The following CDH9 variants were observed in gnomAD, a reference collection of about 807,000 sequenced individuals.
CDH9 encodes the protein cadherin 9, also known as cadherin-9.
A neutral mutation model predicts 70.9 loss-of-function variants in CDH9; 28 were observed. The ratio of observed to expected loss-of-function variants is 0.40; its 90% CI spans 0.29 to 0.54. The LOEUF (loss-of-function observed/expected upper bound fraction) is 0.54. CDH9 is among the 20% of genes least tolerant of loss of function. The pLI is 0.59. For synonymous variants in CDH9, 409 were observed against 343.1 expected, an observed-to-expected ratio of 1.19 and a Z score of -2.12; for missense variants, 874 against 984.4, an observed-to-expected ratio of 0.89 and a Z score of 1.50.
chr5:27,016,336 T>C (rs1002380615), intron 1 of CDH9, among the ~76,000 whole-genome samples: 4 of 151,812 alleles, frequency 2.6e-5, no homozygotes, highest in African/African-American at 9.7e-5. Flanking sequence ...CATTGTTTGA[T>C]GAAAAAGTAC....
intron 4 of CDH9, 97 bp from the exon 5 acceptor site, chr5:26,906,223 C>T: frequency 2.2e-6 from 2 of 929,990 alleles, no homozygotes; most frequent in South Asian, 3.2e-5. Flanking sequence ...TTATAACAAA[C>T]ATAAAATGTC....
At chr5:26,893,623 G>A (rs1404801179) in intron 7 of CDH9, among the ~76,000 whole-genome samples, 1 of 151,918 alleles carries the variant, frequency 6.6e-6, no homozygotes, top group Admixed American at 6.6e-5. Context: ...AGGCTATAAA[G>A]GAGAAATAGA....
chr5:27,026,079 G>A (rs1743215474), intron 1 of CDH9, among the ~76,000 whole-genome samples: 1 of 151,704 alleles, frequency 6.6e-6, no homozygotes, highest in Non-Finnish European at 1.5e-5. Flanking sequence ...TTTATTAATA[G>A]CAATATTTAA....
At chr5:26,953,609 C>T (rs1741890657) in intron 2 of CDH9, among the ~76,000 whole-genome samples, 2 of 152,132 alleles carry the variant, frequency 1.3e-5, no homozygotes, top group Non-Finnish European at 2.9e-5. Context: ...TCAAATGAGC[C>T]ATTTAAAATT....
intron 2 of CDH9, among the ~76,000 whole-genome samples, chr5:26,970,599 T>C (rs891935506): frequency 3.3e-5 from 5 of 152,064 alleles, no homozygotes; most frequent in Non-Finnish European, 5.9e-5. Context: ...AAAATAAGCA[T>C]AGAAAATAAC....
Position 27,017,440 on chromosome 5 carries a change from T to G in CDH9, c.-50+21023A>C, listed in dbSNP as rs532657620. Among the ~76,000 whole-genome samples, 8 of 151,382 alleles carry G rather than the reference T, an allele frequency of 5.3e-5. No individual in the cohort carries two copies. In the South Asian group the frequency reaches 6.2e-4, roughly 12 times the overall value. ...TGCTTGAGTCCACTGAAATTTTTTT[T>G]GGGGGGGCAAGCTAAACGCTCTGCA... is the stretch of plus-strand genomic sequence containing the variant. On this transcript the variant is annotated intron_variant, in intron 1 of 11. Transcript: ENST00000231021.
In CDH9 at chr5:26,915,852, A is replaced by T; in HGVS notation, c.301T>A (p.Phe101Ile). ...ILTGDGAGSL[F>I]VIDENTGDIH... ...TCTCCTGTATTTTCATCTATAACAA[A>T]TAGACTGCCAGCCCCATCTCCTGTT... Residue 101 changes from phenylalanine to isoleucine, a missense_variant, in exon 3 of 12, where the codon TTT (phenylalanine) becomes ATT (isoleucine). Coordinates refer to ENST00000231021, the MANE Select transcript of CDH9 (RefSeq NM_016279.4). The T allele has an allele frequency of 1.9e-6, 3 of 1,612,526 alleles. No homozygotes were observed. Among genetic ancestry groups the T allele is most frequent in the East Asian group, 2.2e-5 (1 of 44,858 alleles).
chr5:26,934,144 C>T (rs574553229), intron 2 of CDH9, among the ~76,000 whole-genome samples: 1 of 152,164 alleles, frequency 6.6e-6, no homozygotes, highest in Admixed American at 6.5e-5. Flanking sequence ...AGGTTCTTTT[C>T]AACAACCAGT....
At chr5:26,901,047 T>G (rs1342307097) in intron 7 of CDH9, among the ~76,000 whole-genome samples, 1 of 151,986 alleles carries the variant, frequency 6.6e-6, no homozygotes, top group Non-Finnish European at 1.5e-5. Context: ...ATGAACACGC[T>G]AGTGCATATA....
chr5:26,890,244 T>C (rs1740633607), intron 8 of CDH9, among the ~76,000 whole-genome samples, 184 bp downstream of exon 8: 1 of 152,206 alleles, frequency 6.6e-6, no homozygotes, highest in Non-Finnish European at 1.5e-5. Flanking sequence ...GAAAATCAAA[T>C]TTGAAATGAA....
chr5:26,883,041 T>TTAGATATATATATATATATA (rs1221330777), intron 11 of CDH9, among the ~76,000 whole-genome samples: 1 of 58,040 alleles, frequency 1.7e-5, no homozygotes. Context: ...CAGGATCATC[T>TTAGATATATATATATATATA]TATATATATA....
chr5:27,032,409 T>G (rs1321482376), intron 1 of CDH9, among the ~76,000 whole-genome samples: 1 of 151,656 alleles, frequency 6.6e-6, no homozygotes, highest in Non-Finnish European at 1.5e-5. Flanking sequence ...ATTTAATTTT[T>G]GGAAAATTAT....
chr5:26,978,094 T>C (rs1388400592), intron 2 of CDH9, among the ~76,000 whole-genome samples: 2 of 152,000 alleles, frequency 1.3e-5, no homozygotes, highest in African/African-American at 4.8e-5. Flanking sequence ...GATAATAGAA[T>C]TTCTGTAATG....
chr5:26,882,374 T>A (rs1364999710), intron 11 of CDH9, among the ~76,000 whole-genome samples: 1 of 152,118 alleles, frequency 6.6e-6, no homozygotes, highest in Non-Finnish European at 1.5e-5. Context: ...GTTAATTGTA[T>A]TCCCTCTATT....
chr5:26,910,247 CTATCTATCT>C (rs1741027470), intron 3 of CDH9, among the ~76,000 whole-genome samples: 1 of 150,854 alleles, frequency 6.6e-6, no homozygotes, highest in Non-Finnish European at 1.5e-5. Context: ...ATCTATCTAT[CTATCTATCT>C]ATCTATCTGG....
intron 2 of CDH9, among the ~76,000 whole-genome samples, chr5:26,962,015 C>A (rs148807634): frequency 1.1e-4 from 16 of 152,200 alleles, no homozygotes; most frequent in Middle Eastern, 6.8e-3. Flanking sequence ...TGTGATGTCG[C>A]CCTCCCTGTG....
chr5:27,001,844 ACTCTCTCTCTCT>A (rs141271541), intron 1 of CDH9, among the ~76,000 whole-genome samples: 27 of 142,058 alleles, frequency 1.9e-4, no homozygotes, highest in South Asian at 1.3e-3. Flanking sequence ...ACACACACAC[ACTCTCTCTCTCT>A]CTCTCTCTCT....
At chr5:26,947,474 G>C (rs1411218913) in intron 2 of CDH9, among the ~76,000 whole-genome samples, 1 of 152,108 alleles carries the variant, frequency 6.6e-6, no homozygotes, top group South Asian at 2.1e-4. Flanking sequence ...CTCAATTATG[G>C]CTACTTAGCA....
At chr5:26,891,882 G>A (rs1740666221) in intron 7 of CDH9, among the ~76,000 whole-genome samples, 1 of 152,114 alleles carries the variant, frequency 6.6e-6, no homozygotes, top group African/African-American at 2.4e-5. Context: ...TGGTCCTTAA[G>A]CTGACATCCA....
Sources: allele counts gnomAD v4.1 joint callset (sites outside exome capture counted in the v4.1 genomes callset), GRCh38; gene constraint gnomAD v4.1.1; transcripts MANE v1.5; gene names NCBI Gene and HGNC (gene_info 2026-07-23, HGNC 2026-07-21).